FLT3: variants seen among roughly 807,000 people sequenced by gnomAD.
FLT3 encodes receptor-type tyrosine-protein kinase FLT3.
Under a neutral mutation model 126.6 loss-of-function variants are expected in FLT3, and 46 were observed. The ratio of observed to expected loss-of-function variants is 0.36; its 90% confidence interval spans 0.29 to 0.46. FLT3 has a LOEUF of 0.46. FLT3 is among the 20% of genes least tolerant of loss of function. The probability of loss-of-function intolerance (pLI) is 1.00; values close to 1 mark genes in which losing one functional copy is unlikely to be tolerated. For missense variants in FLT3, 1,069 were observed against 1,190.3 expected (o/e 0.90, Z 1.50); for synonymous variants, 404 against 434.4 (o/e 0.93, Z 0.87).
At chr13:28,017,668 T>G (rs9512978) in intron 20 of FLT3, among the ~76,000 whole-genome samples, 26,925 of 149,690 alleles carry the variant, frequency 0.18, 2,510 homozygotes, top group Middle Eastern at 0.27. Context: ...TGTTGTTGTT[T>G]TTTTTTTTTT....
chr13:28,087,779 T>C (rs534467902), intron 1 of FLT3, among the ~76,000 whole-genome samples: 3 of 152,328 alleles, frequency 2.0e-5, no homozygotes, highest in Non-Finnish European at 4.4e-5. Context: ...CACTAATCTT[T>C]TCTCCTACAA....
intron 1 of FLT3, among the ~76,000 whole-genome samples, chr13:28,094,156 A>G (rs1389193499): frequency 1.3e-5 from 2 of 152,234 alleles, no homozygotes; most frequent in African/African-American, 4.8e-5. Context: ...AGAAAACAGC[A>G]CGTTTCTTAA....
chr13:28,095,015 C>T (rs1879366178), intron 1 of FLT3, among the ~76,000 whole-genome samples: 2 of 152,134 alleles, frequency 1.3e-5, no homozygotes, highest in South Asian at 4.1e-4. Context: ...ATCTTCGACC[C>T]TATAACTGTG....
chr13:28,098,609 T>C (rs1879625755), intron 1 of FLT3, among the ~76,000 whole-genome samples: 1 of 152,202 alleles, frequency 6.6e-6, no homozygotes, highest in South Asian at 2.1e-4. Context: ...CCAGGAATTC[T>C]ACTTGTGGGC....
At chr13:28,070,027 A>C (rs1311421931) in intron 2 of FLT3, among the ~76,000 whole-genome samples, 1 of 152,130 alleles carries the variant, frequency 6.6e-6, no homozygotes, top group Non-Finnish European at 1.5e-5. Context: ...AAGTGGGAGG[A>C]TTGCTTGAGC....
At chr13:28,053,660 C>G (rs73439158) in intron 4 of FLT3, among the ~76,000 whole-genome samples, 3,173 of 152,014 alleles carry the variant, frequency 0.021, 96 homozygotes, top group African/African-American at 0.071. Flanking sequence ...TCTTGAGCTT[C>G]AAAATAGTGT....
In FLT3 at chr13:28,034,234, A is replaced by G. The variant is rs2137676547; in HGVS notation, c.1705-20T>C. ...AAATTGCTTCAGAGATGAAATGATG[A>G]GTCAGTTAGGAATAGGCAGTTCTGC... On this transcript the variant is annotated intron_variant, in intron 13 of 23. Transcript: ENST00000241453. 1 of 1,613,888 alleles carries G rather than the reference A, an allele frequency of 6.2e-7. No homozygotes were observed. The highest frequency in any genetic ancestry group is 8.5e-7 in the Non-Finnish European group (1 of 1,179,870).
chr13:28,060,466 T>TAAAA (rs10629301), intron 3 of FLT3, among the ~76,000 whole-genome samples: 1 of 135,354 alleles, frequency 7.4e-6, no homozygotes, highest in Non-Finnish European at 1.5e-5. Context: ...TAAAAATATT[T>TAAAA]AAAAAAAAAA....
intron 16 of FLT3, among the ~76,000 whole-genome samples, chr13:28,027,683 A>G (rs1872931353): frequency 6.6e-6 from 1 of 152,216 alleles, no homozygotes; most frequent in Non-Finnish European, 1.5e-5. Context: ...GCTGCTGCAG[A>G]AAGAATGAAC....
At chr13:28,092,938 TTGA>T (rs1879214740) in intron 1 of FLT3, among the ~76,000 whole-genome samples, 3 of 147,058 alleles carry the variant, frequency 2.0e-5, no homozygotes, top group African/African-American at 7.5e-5. Context: ...TTTTTTTTTT[TTGA>T]GACAGGGTCT....
At chr13:28,097,408 T>G (rs1879530853) in intron 1 of FLT3, among the ~76,000 whole-genome samples, 1 of 152,180 alleles carries the variant, frequency 6.6e-6, no homozygotes, top group Non-Finnish European at 1.5e-5. Flanking sequence ...TAATATCTCA[T>G]TGCCTGATTG....
At chr13:28,086,803 A>C (rs1411232589) in intron 1 of FLT3, among the ~76,000 whole-genome samples, 1 of 151,986 alleles carries the variant, frequency 6.6e-6, no homozygotes, top group Non-Finnish European at 1.5e-5. Flanking sequence ...TGCACAATCA[A>C]ACCCAGCTAA....
chr13:28,065,278 G>A (rs1876912598), intron 2 of FLT3, among the ~76,000 whole-genome samples: 1 of 152,196 alleles, frequency 6.6e-6, no homozygotes, highest in African/African-American at 2.4e-5. Context: ...ACTTCTCTGA[G>A]TATACTGTTT....
Position 28,050,113 on chromosome 13 carries a change from T to A in FLT3, c.724A>T (p.Thr242Ser). The A allele has an allele frequency of 6.2e-7, 1 of 1,614,168 alleles. No homozygotes were observed. Among genetic ancestry groups the A allele is most frequent in the South Asian group, 1.1e-5 (1 of 91,086 alleles). ...GTGTTACCTATTGTGAACAGCCTGG[T>A]GCATTCCCTGCCCAGTTCATTTCTG... The part of the protein sequence containing the change: ...CARNELGREC[T>S]RLFTIDLNQT... Residue 242 changes from threonine to serine, a missense_variant, in exon 6 of 24, where the codon ACC (threonine) becomes TCC (serine). Transcript: ENST00000241453.
At chr13:28,060,075 T>A (rs1876396470) in intron 3 of FLT3, among the ~76,000 whole-genome samples, 1 of 151,056 alleles carries the variant, frequency 6.6e-6, no homozygotes, top group Non-Finnish European at 1.5e-5. Flanking sequence ...TAACATGATA[T>A]CCAACTAAAA....
chr13:28,050,324 A>C (rs540128682), intron 5 of FLT3, 102 bp from the exon 6 acceptor site: 1 of 1,138,914 alleles, frequency 8.8e-7, no homozygotes, highest in African/African-American at 1.5e-5. Context: ...TAAGGGTCAA[A>C]TGGTAAACAA....
intron 1 of FLT3, among the ~76,000 whole-genome samples, chr13:28,079,476 T>C (rs1878180329): frequency 6.6e-6 from 1 of 152,186 alleles, no homozygotes; most frequent in Non-Finnish European, 1.5e-5. Flanking sequence ...TTTTCAGGTA[T>C]CTTTTCAGCA....
At position 28,017,230 on chromosome 13, in the gene FLT3, CAGGGTCTCAAAAAAA is replaced by C. The variant is rs542803736; in HGVS notation, c.2541+1222_2541+1236del. 1.9e-3 allele frequency among the ~76,000 whole-genome samples: 290 copies of C among 151,978 alleles called. 4 individuals are homozygous for C. Among genetic ancestry groups the C allele is most frequent in the African/African-American group, 6.7e-3 (276 of 41,460 alleles). On this transcript the variant is annotated intron_variant, in intron 20 of 23. Coordinates refer to ENST00000241453, the MANE Select transcript of FLT3 (RefSeq NM_004119.3). Reference sequence around the variant, plus strand: ...ACAAGTAGGGAATTCTTTTTTGAGACAGGGTCTCAAAAAAAAGGGTCTCATTCTGTTGCCCAGGCT... The same window carrying C: ...ACAAGTAGGGAATTCTTTTTTGAGACAGGGTCTCATTCTGTTGCCCAGGCT...
At position 28,023,326 on chromosome 13, in the gene FLT3, G is replaced by A. The variant is rs141776256; in HGVS notation, c.2418+24C>T. ...TCTTTTCAAATCTTTTTTTTGGTTTGTTTTTTCTTTAAAAGGAGCATACCG... is the reference window on the plus strand; with the variant it reads ...TCTTTTCAAATCTTTTTTTTGGTTTATTTTTTCTTTAAAAGGAGCATACCG... On this transcript the variant is annotated intron_variant, in intron 19 of 23. Coordinates refer to ENST00000241453, the MANE Select transcript of FLT3 (RefSeq NM_004119.3). 3.2e-4 allele frequency: 505 copies of A among 1,587,936 alleles called. 2 individuals carry two copies. In the African/African-American group the frequency reaches 6.4e-3, roughly 20 times the overall value.
Sources: allele counts gnomAD v4.1 joint callset (sites outside exome capture counted in the v4.1 genomes callset), GRCh38; gene constraint gnomAD v4.1.1; transcripts MANE v1.5; gene names NCBI Gene and HGNC (gene_info 2026-07-23, HGNC 2026-07-21).